Variants in TENM3 observed in about 807,000 individuals in gnomAD.
TENM3 encodes teneurin-3.
TENM3 carries 63 observed loss-of-function variants against 255.1 expected under a neutral mutation model. That is an observed-to-expected ratio of 0.25 (90% CI 0.20 to 0.30). TENM3 has a LOEUF of 0.30. TENM3 is among the 10% of genes least tolerant of loss of function. The pLI is 1.00. For missense variants in TENM3, 2,929 were observed against 3,461.1 expected (o/e 0.85, Z 3.86); for synonymous variants, 1,306 against 1,322.3 (o/e 0.99, Z 0.27).
chr4:182,371,945 A>G (rs1213159265), intron 3 of TENM3, among the ~76,000 whole-genome samples: 1 of 152,218 alleles, frequency 6.6e-6, no homozygotes, highest in Non-Finnish European at 1.5e-5. Context: ...AGAGAATACA[A>G]TATGTGAGTT....
At chr4:182,736,776 C>T (rs1313842478) in intron 16 of TENM3, 32 bp from the exon 17 acceptor site, 1 of 1,591,464 alleles carries the variant, frequency 6.3e-7, no homozygotes, top group Admixed American at 1.8e-5. Flanking sequence ...TACGTGATCA[C>T]AGTTTGAAAC....
At chr4:182,190,341 A>C (rs1753433820) in intron 1 of TENM3, 1 of 152,192 alleles carries the variant, frequency 6.6e-6, no homozygotes, top group Non-Finnish European at 1.5e-5. Flanking sequence ...TGTGTGTAAA[A>C]ATCAGCCCAC....
the TENM3 span, among the ~76,000 whole-genome samples, chr4:181,959,272 T>A: frequency 3.3e-5 from 5 of 152,164 alleles, no homozygotes; most frequent in Non-Finnish European, 7.4e-5. Context: ...GCTCTTGTCA[T>A]ACTTTGTAAT....
Position 182,792,419 on chromosome 4 carries a change from A to T in TENM3, c.5747A>T (p.Asn1916Ile). The T allele has an allele frequency of 6.2e-7, 1 of 1,613,698 alleles. No individual in the cohort carries two copies. The highest frequency in any genetic ancestry group is 2.2e-5 in the East Asian group (1 of 44,872). Residue 1916 changes from asparagine (N) to isoleucine (I), a missense_variant, in exon 26 of 28, where the codon AAC becomes ATC. Asn to Ile is a moderately radical substitution (Grantham distance 149, BLOSUM62 -3). This residue lies in a region of TENM3 where 303 missense variants were observed against 425.2 expected (regional missense o/e 0.71). Transcript: ENST00000511685. The surrounding 1 kb of genome is among the most constrained non-coding windows in gnomAD (Gnocchi z 6.3). ...RSIGYYRNIY[N>I]PPESNASIIT... ...ATTGGCTACTACCGCAACATATACA[A>T]CCCCCCGGAAAGCAACGCCTCCATC...
the TENM3 span, among the ~76,000 whole-genome samples, chr4:181,488,963 T>C: frequency 1.3e-5 from 2 of 152,216 alleles, no homozygotes; most frequent in African/African-American, 4.8e-5. Flanking sequence ...AAAATCTTCT[T>C]GCCATGGCTG....
chr4:182,094,200 G>A, the TENM3 span, among the ~76,000 whole-genome samples: 1 of 151,994 alleles, frequency 6.6e-6, no homozygotes, highest in African/African-American at 2.4e-5. Context: ...AACAGAAGAG[G>A]GAGCTCTGGG....
At chr4:182,518,029 T>C (rs1738180342) in intron 3 of TENM3, among the ~76,000 whole-genome samples, 1 of 152,188 alleles carries the variant, frequency 6.6e-6, no homozygotes, top group Non-Finnish European at 1.5e-5. Context: ...CTCTTTTTCT[T>C]GATCTTTTTC....
chr4:181,573,376 C>CT, the TENM3 span, among the ~76,000 whole-genome samples: 1 of 151,966 alleles, frequency 6.6e-6, no homozygotes, highest in African/African-American at 2.4e-5. Flanking sequence ...CACAGATTCC[C>CT]TTTTTTCCAC....
intron 1 of TENM3, among the ~76,000 whole-genome samples, chr4:182,303,985 A>G (rs931999752): frequency 6.6e-6 from 1 of 152,212 alleles, no homozygotes; most frequent in African/African-American, 2.4e-5. Flanking sequence ...AAATTTTACC[A>G]TAATAAAAGT....
the TENM3 span, among the ~76,000 whole-genome samples, chr4:182,052,203 A>C: frequency 1.2e-4 from 18 of 152,266 alleles, no homozygotes; most frequent in African/African-American, 4.3e-4. Context: ...AGAAATCATG[A>C]AGATCCTGCA....
At chr4:181,986,300 CTCAGGGG>C in the TENM3 span, among the ~76,000 whole-genome samples, 1 of 151,984 alleles carries the variant, frequency 6.6e-6, no homozygotes, top group Non-Finnish European at 1.5e-5. Flanking sequence ...TCTCCCTGCT[CTCAGGGG>C]TCACCTTTTC....
intron 3 of TENM3, among the ~76,000 whole-genome samples, chr4:182,465,240 T>C (rs1271084883): frequency 6.6e-6 from 1 of 152,244 alleles, no homozygotes; most frequent in African/African-American, 2.4e-5. Context: ...GTCAGAATGC[T>C]TGTGTCCTCC....
chr4:182,050,381 CAG>C, the TENM3 span, among the ~76,000 whole-genome samples: 1 of 152,150 alleles, frequency 6.6e-6, no homozygotes, highest in Non-Finnish European at 1.5e-5. Context: ...AAACAGTTCT[CAG>C]ATTGTTAAGG....
At chr4:182,709,145 G>A (rs577575862) in intron 12 of TENM3, among the ~76,000 whole-genome samples, 7 of 151,924 alleles carry the variant, frequency 4.6e-5, no homozygotes, top group South Asian at 2.1e-4. Flanking sequence ...ACCACACCCC[G>A]CTAATTTTTG....
At chr4:182,100,638 C>CATATATATACACAT in the TENM3 span, among the ~76,000 whole-genome samples, 2 of 26,134 alleles carry the variant, frequency 7.7e-5, 1 homozygote, top group African/African-American at 1.8e-4. Flanking sequence ...CATATATACA[C>CATATATATACACAT]ATATATATAC....
At chr4:182,431,052 CAAACAAAT>C (rs1460493587) in intron 3 of TENM3, among the ~76,000 whole-genome samples, 60 of 141,232 alleles carry the variant, frequency 4.2e-4, no homozygotes, top group Middle Eastern at 7.4e-3. Context: ...AACAAACAAA[CAAACAAAT>C]AAATAACTGA....
chr4:182,054,229 C>T, the TENM3 span, among the ~76,000 whole-genome samples: 2 of 152,142 alleles, frequency 1.3e-5, no homozygotes, highest in Admixed American at 1.3e-4. Context: ...TCCTCCTGCC[C>T]ACTGCCCATC....
At chr4:181,559,498 G>A in the TENM3 span, among the ~76,000 whole-genome samples, 1 of 152,054 alleles carries the variant, frequency 6.6e-6, no homozygotes, top group African/African-American at 2.4e-5. Context: ...TGTGATTCTG[G>A]GCAATGTATT....
chr4:182,227,884 A>G (rs1221447797), intron 1 of TENM3, among the ~76,000 whole-genome samples: 1 of 152,084 alleles, frequency 6.6e-6, no homozygotes, highest in Non-Finnish European at 1.5e-5. Context: ...TTTCATGAGA[A>G]TGGGTGGAGC....
Sources: gnomAD v4.1 joint callset for allele counts (sites outside exome capture counted in the v4.1 genomes callset) on GRCh38, gnomAD v4.1.1 for gene constraint, gnomAD v4.1.1 regional missense constraint, Gnocchi (gnomAD v3.1) non-coding constraint, MANE v1.5 for transcripts, NCBI Gene and HGNC (gene_info 2026-07-23, HGNC 2026-07-21) for gene names.